Variants in ADAR observed in about 807,000 individuals in gnomAD.
ADAR encodes the protein double-stranded RNA-specific adenosine deaminase.
ADAR carries 41 observed loss-of-function variants against 113.2 expected under a neutral mutation model. The observed-to-expected ratio is 0.36, with a 90% CI of 0.28 to 0.47. The LOEUF is 0.47. Among genes scored for constraint, ADAR ranks in the 20% least tolerant of loss-of-function variants. ADAR has a pLI of 1.00. For synonymous variants in ADAR, 605 were observed against 572.6 expected (o/e 1.06, Z -0.81); for missense variants, 1,242 against 1,540.9 (o/e 0.81, Z 3.25).
intron 12 of ADAR, 66 bp from the exon 13 acceptor site, chr1:154,585,931 A>C: frequency 6.9e-7 from 1 of 1,440,370 alleles, no homozygotes; most frequent in Non-Finnish European, 9.7e-7. Flanking sequence ...AGGCAGAAGC[A>C]TGTGGGGATT....
rs764889694 is a variant in ADAR, at chr1:154,589,784, T to A, written c.2641A>T (p.Met881Leu). The A allele has an allele frequency of 4.3e-6, 7 of 1,613,972 alleles. No homozygotes were observed. The highest frequency in any genetic ancestry group is 5.1e-6 in the Non-Finnish European group (6 of 1,180,030). The change falls in exon 8 of 15, where the codon ATG becomes TTG. Residue 881 changes from methionine to leucine, a missense_variant. Coordinates refer to ENST00000368474, the MANE Select transcript of ADAR (RefSeq NM_001111.5). ...GTTCCCAAGCTGACGACGACACCCATGTCCTCAGAGTCTTTTTTCATAATG... is the reference window on the plus strand; with the variant it reads ...GTTCCCAAGCTGACGACGACACCCAAGTCCTCAGAGTCTTTTTTCATAATG... ...AIIMKKDSED[M>L]GVVVSLGTGN... is the part of the protein sequence containing the mutation.
chr1:154,585,139 T>A, intron 14 of ADAR, 78 bp downstream of exon 14: 1 of 1,613,444 alleles, frequency 6.2e-7, no homozygotes, highest in South Asian at 1.1e-5. Context: ...TCTCAAGCCC[T>A]GAGACTGCAG....
At chr1:154,613,796 A>G (rs771179540) in intron 1 of ADAR, among the ~76,000 whole-genome samples, 46 of 150,940 alleles carry the variant, frequency 3.0e-4, no homozygotes, top group Admixed American at 5.3e-4. Context: ...CCTAGCTACT[A>G]GGGAGGCTGA....
chr1:154,584,818 G>A lies in ADAR; in HGVS notation c.3669C>T (p.Leu1223=). The A allele has an allele frequency of 6.2e-7, 1 of 1,613,632 alleles. No individual in the cohort carries two copies. The highest frequency in any genetic ancestry group is 1.3e-5 in the African/African-American group (1 of 75,026). ...TCACTGGAGCATACTATACTGGGCA[G>A]AGATAAAAGTTCTTTTCCTCCTGGG... ...SKPQEEKNFY[L]CPV The change falls in exon 15 of 15, where the codon CTC becomes CTT. Residue 1223 remains leucine (L), a synonymous_variant. Transcript: ENST00000368474.
rs765669048 is a variant in ADAR, at chr1:154,601,699, C to A, written c.943G>T (p.Ala315Ser). Residue 315 changes from alanine (A) to serine (S), a missense_variant, in exon 2 of 15, where the codon GCC becomes TCC. Physicochemically the swap from Ala to Ser is moderately conservative, Grantham distance 99. Around this residue, in one of 2 missense-constraint regions of ADAR, gnomAD observed 462 missense variants for 483.1 expected, o/e 0.96. Transcript: ENST00000368474. This position sits in a 1 kb window ranked among gnomAD's most constrained non-coding sequence, Gnocchi z 4.7. ...CCAATATTTTTAGCCAAATTCAGGG[C>A]AGAGGAGTCAGACACATTGAAGAGA... Reference protein sequence around the residue: ...DYLFNVSDSSALNLAKNIGLT... With the variant: ...DYLFNVSDSSSLNLAKNIGLT... 1.2e-6 allele frequency: 2 copies of A among 1,614,210 alleles called. No homozygotes were observed. The highest frequency in any genetic ancestry group is 1.7e-5 in the Admixed American group (1 of 60,030).
chr1:154,602,679 C>A, intron 1 of ADAR, 53 bp from the exon 2 acceptor site: 2 of 1,598,550 alleles, frequency 1.3e-6, no homozygotes, highest in Non-Finnish European at 1.7e-6. Context: ...CAGTGGTGAA[C>A]CTGTGGAGGC....
intron 6 of ADAR, among the ~76,000 whole-genome samples, chr1:154,595,925 T>A (rs1697461536): frequency 6.6e-6 from 1 of 152,178 alleles, no homozygotes; most frequent in Admixed American, 6.5e-5. Context: ...TTTTACTGTA[T>A]CTTTTTGCTG....
chr1:154,616,168 G>A (rs928189098), intron 1 of ADAR, among the ~76,000 whole-genome samples: 2 of 152,190 alleles, frequency 1.3e-5, no homozygotes, highest in South Asian at 2.1e-4. Flanking sequence ...TTAGGTTCAC[G>A]TGCATTCGTT....
intron 1 of ADAR, among the ~76,000 whole-genome samples, chr1:154,625,560 G>A (rs1698907824): frequency 6.6e-6 from 1 of 152,226 alleles, no homozygotes; most frequent in Non-Finnish European, 1.5e-5. Context: ...CATAGCAAGT[G>A]CTAAAGAGAA....
chr1:154,626,122 GT>G (rs200091076), intron 1 of ADAR, among the ~76,000 whole-genome samples: 18 of 138,076 alleles, frequency 1.3e-4, no homozygotes, highest in East Asian at 2.1e-4. Flanking sequence ...AATAAAGTGA[GT>G]TTTTTTTTTT....
intron 1 of ADAR, chr1:154,606,071 C>T: frequency 2.5e-6 from 1 of 407,216 alleles, no homozygotes; most frequent in South Asian, 1.0e-4. Flanking sequence ...GTGGCATGAT[C>T]TCGGCTCACT....
In ADAR at chr1:154,602,217, C is replaced by G. The variant is rs1263802906; in HGVS notation, c.425G>C (p.Arg142Thr). The G allele has an allele frequency of 4.3e-6, 7 of 1,614,164 alleles. No individual in the cohort carries two copies. In the Admixed American group the frequency reaches 1.2e-4, roughly 27 times the overall value. ...ELSIYQDQEQ[R>T]ILKFLEELGE... The stretch of plus-strand genomic sequence containing the variant: ...AAGCTCTTCCAGGAACTTTAAGATC[C>G]TTTGTTCCTGATCTTGGTAGATACT... The change falls in exon 2 of 15, where the codon AGG becomes ACG. Residue 142 changes from arginine (R) to threonine (T), a missense_variant. Coordinates refer to ENST00000368474, the MANE Select transcript of ADAR (RefSeq NM_001111.5).
At position 154,602,524 on chromosome 1, in the gene ADAR, G is replaced by A. The variant is rs2101645710; in HGVS notation, c.118C>T (p.Leu40=). The change falls in exon 2 of 15, where the codon CTG becomes TTG. Residue 40 remains leucine (L), a synonymous_variant. Transcript: ENST00000368474. ...TTGAGAAATTCTATTTGCTTAAGCA[G>A]GAAACTACTGGGGGAAGATCCTGGC... ...PGPGSSPSSF[L]LKQIEFLKGQ... 6.2e-7 allele frequency: 1 copy of A among 1,614,240 alleles called. No homozygotes were observed. The highest frequency in any genetic ancestry group is 8.5e-7 in the Non-Finnish European group (1 of 1,180,036).
At chr1:154,607,916 C>T (rs1258078770) in intron 1 of ADAR, 76 bp downstream of exon 1, 1 of 1,598,454 alleles carries the variant, frequency 6.3e-7, no homozygotes, top group Non-Finnish European at 8.5e-7. Flanking sequence ...GCACACGCTA[C>T]GCACTGCAAC....
Position 154,584,518 on chromosome 1 carries a change from G to T in ADAR, c.*288C>A, listed in dbSNP as rs1037612545. 2.5e-6 allele frequency: 1 copy of T among 398,230 alleles called. No individual in the cohort carries two copies. The highest frequency in any genetic ancestry group is 4.5e-6 in the Non-Finnish European group (1 of 221,110). 24.7% of individuals were successfully genotyped at this position (398,230 alleles called of 1,614,324 possible). ...CAAAACTTTTAAGAGGAAATGGACC[G>T]CAGGTGCTCAGTGACTATGTATGCT... On this transcript the variant is annotated 3_prime_UTR_variant, in exon 15 of 15. Coordinates refer to ENST00000368474, the MANE Select transcript of ADAR (RefSeq NM_001111.5).
chr1:154,584,973 G>T lies in ADAR; in HGVS notation c.3514C>A (p.Arg1172Ser). ...FLLFKKLCSF[R>S]YRRDLLRLSY... is the part of the protein sequence containing the mutation. ...AGTCTCAGTAGATCCCTGCGGTAACGGAAGGAGCAGAGCTTCTTAAATAGA... is the reference window on the plus strand; with the variant it reads ...AGTCTCAGTAGATCCCTGCGGTAACTGAAGGAGCAGAGCTTCTTAAATAGA... The change falls in exon 15 of 15, where the codon CGT becomes AGT. Residue 1172 changes from arginine (R) to serine (S), a missense_variant. Coordinates refer to ENST00000368474, the MANE Select transcript of ADAR (RefSeq NM_001111.5). The T allele has an allele frequency of 6.2e-7, 1 of 1,614,172 alleles. No individual in the cohort carries two copies. The highest frequency in any genetic ancestry group is 8.5e-7 in the Non-Finnish European group (1 of 1,180,038).
upstream of ADAR, among the ~76,000 whole-genome samples, chr1:154,610,059 A>G (rs1251994557): frequency 6.6e-6 from 1 of 152,194 alleles, no homozygotes; most frequent in African/African-American, 2.4e-5. Context: ...AAAATATCAA[A>G]CATATGAAAA....
At chr1:154,609,401 T>C (rs1016139238), upstream of ADAR, among the ~76,000 whole-genome samples, 1 of 152,252 alleles carries the variant, frequency 6.6e-6, no homozygotes, top group Non-Finnish European at 1.5e-5. Flanking sequence ...CCCATGCTTA[T>C]GAAATTACAA....
chr1:154,620,976 T>A (rs1698777696), intron 1 of ADAR, among the ~76,000 whole-genome samples: 1 of 152,190 alleles, frequency 6.6e-6, no homozygotes, highest in African/African-American at 2.4e-5. Context: ...CACGAGTGCC[T>A]CTTTAAACCA....
Sources: gnomAD v4.1 joint callset for allele counts (sites outside exome capture counted in the v4.1 genomes callset) on GRCh38, gnomAD v4.1.1 for gene constraint, gnomAD v4.1.1 regional missense constraint, Gnocchi (gnomAD v3.1) non-coding constraint, MANE v1.5 for transcripts, NCBI Gene and HGNC (gene_info 2026-07-23, HGNC 2026-07-21) for gene names.